The following SAMTOR variants were observed in gnomAD, a reference collection of about 807,000 sequenced individuals.
The protein encoded by SAMTOR is S-adenosylmethionine sensor upstream of mTORC1.
the SAMTOR span, among the ~76,000 whole-genome samples, chr7:112,877,127 T>G: frequency 1.3e-5 from 2 of 152,212 alleles, no homozygotes; most frequent in African/African-American, 4.8e-5. Flanking sequence ...TAACCCTTTA[T>G]GACTAACCTA....
chr7:112,914,488 G>C, the SAMTOR span, among the ~76,000 whole-genome samples: 1 of 151,738 alleles, frequency 6.6e-6, no homozygotes, highest in Non-Finnish European at 1.5e-5. Flanking sequence ...ACTAGTATAA[G>C]CATTATTTCA....
At chr7:112,922,899 C>G in the SAMTOR span, among the ~76,000 whole-genome samples, 29 of 143,474 alleles carry the variant, frequency 2.0e-4, 1 homozygote, top group East Asian at 1.4e-3. Flanking sequence ...GCCCCCCCCC[C>G]CCGGGCCAGC....
At chr7:112,886,665 T>C in the SAMTOR span, among the ~76,000 whole-genome samples, 559 of 152,272 alleles carry the variant, frequency 3.7e-3, 26 homozygotes, top group East Asian at 0.096. Flanking sequence ...CTTTGAACAA[T>C]AAAGACTATT....
the SAMTOR span, chr7:112,819,900 GT>G: frequency 6.6e-6 from 1 of 152,418 alleles, no homozygotes; most frequent in South Asian, 2.1e-4. Flanking sequence ...ATGGTAAAAG[GT>G]ACTACCAAAA....
the SAMTOR span, chr7:112,939,196 T>C: frequency 0.086 from 17,177 of 198,680 alleles, 1,360 homozygotes; most frequent in African/African-American, 0.22. Flanking sequence ...AGGTTTCTTT[T>C]CGTCTTTTAC....
At chr7:112,847,928 C>T in the SAMTOR span, among the ~76,000 whole-genome samples, 2 of 152,130 alleles carry the variant, frequency 1.3e-5, no homozygotes, top group Admixed American at 6.6e-5. Flanking sequence ...TGCTTGAGAC[C>T]AGAAGTTCAA....
chr7:112,903,851 A>G, the SAMTOR span, among the ~76,000 whole-genome samples: 1 of 152,190 alleles, frequency 6.6e-6, no homozygotes, highest in Non-Finnish European at 1.5e-5. Flanking sequence ...AACTCAGAGA[A>G]CATCATAATT....
the SAMTOR span, among the ~76,000 whole-genome samples, chr7:112,855,969 T>C: frequency 6.6e-6 from 1 of 152,120 alleles, no homozygotes; most frequent in Non-Finnish European, 1.5e-5. Flanking sequence ...TATTCAGAAT[T>C]TTTACTTTTG....
chr7:112,908,367 G>A, the SAMTOR span, among the ~76,000 whole-genome samples: 1 of 152,130 alleles, frequency 6.6e-6, no homozygotes, highest in Non-Finnish European at 1.5e-5. Context: ...CTTCAGACTC[G>A]AAGTGGGTCT....
chr7:112,856,648 G>A, the SAMTOR span, among the ~76,000 whole-genome samples: 1 of 152,024 alleles, frequency 6.6e-6, no homozygotes, highest in African/African-American at 2.4e-5. Flanking sequence ...AACAACTTTT[G>A]CAAATAACAG....
At chr7:112,915,056 T>C in the SAMTOR span, among the ~76,000 whole-genome samples, 1 of 151,924 alleles carries the variant, frequency 6.6e-6, no homozygotes, top group Middle Eastern at 3.2e-3. Flanking sequence ...CTGGCCAAGA[T>C]GGTGAAACCC....
chr7:112,868,791 T>C, the SAMTOR span, among the ~76,000 whole-genome samples: 6 of 152,140 alleles, frequency 3.9e-5, no homozygotes, highest in African/African-American at 1.4e-4. Flanking sequence ...GCCCCAGCAG[T>C]AGTTGCTGGA....
chr7:112,882,331 AG>A, the SAMTOR span, among the ~76,000 whole-genome samples: 2 of 152,200 alleles, frequency 1.3e-5, no homozygotes, highest in African/African-American at 2.4e-5. Flanking sequence ...ACTTGGACAA[AG>A]GCACCACCAG....
chr7:112,892,286 A>G, the SAMTOR span, among the ~76,000 whole-genome samples: 6 of 152,218 alleles, frequency 3.9e-5, no homozygotes, highest in East Asian at 1.9e-4. Context: ...TATTTCATCC[A>G]TGAGGCTTGG....
At chr7:112,887,492 T>C in the SAMTOR span, among the ~76,000 whole-genome samples, 1 of 152,198 alleles carries the variant, frequency 6.6e-6, no homozygotes, top group Non-Finnish European at 1.5e-5. Context: ...CTGATTCTGT[T>C]TTCAGGAACA....
the SAMTOR span, among the ~76,000 whole-genome samples, chr7:112,861,025 G>A: frequency 6.6e-6 from 1 of 151,638 alleles, no homozygotes; most frequent in Non-Finnish European, 1.5e-5. Context: ...GACAAAAGCT[G>A]GAAAAAACTA....
the SAMTOR span, among the ~76,000 whole-genome samples, chr7:112,885,510 A>C: frequency 6.6e-6 from 1 of 152,194 alleles, no homozygotes; most frequent in East Asian, 1.9e-4. Flanking sequence ...TCTCTGGGGC[A>C]GGAGCAAAAT....
the SAMTOR span, among the ~76,000 whole-genome samples, chr7:112,845,869 G>T: frequency 0.048 from 7,276 of 151,402 alleles, 574 homozygotes; most frequent in African/African-American, 0.17. Context: ...TAAAGAAAAT[G>T]GAATAGTATT....
the SAMTOR span, among the ~76,000 whole-genome samples, chr7:112,900,063 T>C: frequency 5.9e-5 from 9 of 152,098 alleles, no homozygotes; most frequent in African/African-American, 1.7e-4. Flanking sequence ...TTGTAGTGCA[T>C]AAACTATTCA....
Sources: allele counts gnomAD v4.1 joint callset (sites outside exome capture counted in the v4.1 genomes callset), GRCh38; gene constraint gnomAD v4.1.1; transcripts MANE v1.5; gene names NCBI Gene and HGNC (gene_info 2026-07-23, HGNC 2026-07-21).